The following GNAQ variants were observed in gnomAD, a reference collection of about 807,000 sequenced individuals.
The protein encoded by GNAQ is guanine nucleotide-binding protein G(q) subunit alpha.
In GNAQ, 8 loss-of-function variants were observed where a neutral mutation model predicts 43.9. The ratio of observed to expected loss-of-function variants is 0.18; its 90% CI spans 0.11 to 0.33. The LOEUF is 0.33. Ranked by LOEUF, GNAQ falls within the 10% of genes least tolerant of loss-of-function variation. The pLI is 1.00. For missense variants in GNAQ, 158 were observed against 450.8 expected, an observed-to-expected ratio of 0.35 and a Z score of 5.88; for synonymous variants, 155 against 170.7, an observed-to-expected ratio of 0.91 and a Z score of 0.71.
intron 1 of GNAQ, among the ~76,000 whole-genome samples, chr9:77,983,843 C>A: frequency 6.6e-6 from 1 of 151,822 alleles, no homozygotes; most frequent in East Asian, 1.9e-4. Context: ...TAGGAAGTCA[C>A]GGTCAGAACT....
At chr9:77,851,462 C>T (rs1827675361) in intron 2 of GNAQ, among the ~76,000 whole-genome samples, 1 of 152,198 alleles carries the variant, frequency 6.6e-6, no homozygotes, top group Admixed American at 6.6e-5. Flanking sequence ...GAAAGTAGAG[C>T]TGGACGTATG....
chr9:77,770,569 C>T (rs895394361), intron 5 of GNAQ, among the ~76,000 whole-genome samples: 1 of 152,240 alleles, frequency 6.6e-6, no homozygotes, highest in African/African-American at 2.4e-5. Flanking sequence ...AGCAGCTCTA[C>T]TTCTATGTGA....
At chr9:77,922,625 A>G (rs1296573970) in intron 1 of GNAQ, among the ~76,000 whole-genome samples, 2 of 152,186 alleles carry the variant, frequency 1.3e-5, no homozygotes, top group Non-Finnish European at 2.9e-5. Context: ...ATTTGTAACC[A>G]TGTATCTTGC....
intron 5 of GNAQ, among the ~76,000 whole-genome samples, chr9:77,785,599 A>C (rs1826464337): frequency 6.6e-6 from 1 of 152,212 alleles, no homozygotes; most frequent in Admixed American, 6.5e-5. Flanking sequence ...ACAATTCATC[A>C]AGCTGAATAC....
chr9:77,716,857 T>C lies in GNAQ; in HGVS notation c.*4466A>G, dbSNP rs945412304. Reference sequence around the variant, plus strand: ...TAATATTTGAGCACCTACTATGTGCTAGGTGTGTATTCATACTTTGAACAT... The same window carrying C: ...TAATATTTGAGCACCTACTATGTGCCAGGTGTGTATTCATACTTTGAACAT... On this transcript the variant is annotated 3_prime_UTR_variant, in exon 7 of 7. Coordinates refer to ENST00000286548, the MANE Select transcript of GNAQ (RefSeq NM_002072.5). 4.3e-6 allele frequency: 1 copy of C among 232,922 alleles called. No individual in the cohort carries two copies. 14.4% of individuals were successfully genotyped at this position (232,922 alleles called of 1,614,324 possible). A position where few individuals can be genotyped will look rare whatever the true frequency, so the allele number is the denominator to read the frequency against.
intron 1 of GNAQ, among the ~76,000 whole-genome samples, chr9:77,979,886 G>A (rs1011725417): frequency 2.0e-5 from 3 of 152,088 alleles, no homozygotes; most frequent in African/African-American, 4.8e-5. Context: ...GAAAAACAAC[G>A]TAAGACAAAC....
chr9:77,932,588 T>C (rs1829168478), intron 1 of GNAQ, among the ~76,000 whole-genome samples: 1 of 151,964 alleles, frequency 6.6e-6, no homozygotes, highest in African/African-American at 2.4e-5. Flanking sequence ...GAGGCTGAGG[T>C]GGGAACATAT....
chr9:77,878,814 G>A (rs1336193611), intron 2 of GNAQ, among the ~76,000 whole-genome samples: 1 of 152,174 alleles, frequency 6.6e-6, no homozygotes, highest in East Asian at 1.9e-4. Context: ...GGGAGGCCAA[G>A]GTGGGTGGGT....
chr9:78,030,907 G>C (rs867536021), intron 1 of GNAQ, among the ~76,000 whole-genome samples, 193 bp downstream of exon 1: 3 of 151,554 alleles, frequency 2.0e-5, no homozygotes, highest in Admixed American at 6.5e-5. Context: ...GTGTGTGTGT[G>C]TGTGTGTGTG....
chr9:77,803,464 G>T (rs1256477116), intron 3 of GNAQ, among the ~76,000 whole-genome samples: 1 of 152,156 alleles, frequency 6.6e-6, no homozygotes, highest in Non-Finnish European at 1.5e-5. Flanking sequence ...CAATCTTCTT[G>T]ATGGAAAAAA....
intron 3 of GNAQ, among the ~76,000 whole-genome samples, chr9:77,805,083 T>C (rs536254659): frequency 6.6e-6 from 1 of 152,096 alleles, no homozygotes; most frequent in Admixed American, 6.5e-5. Context: ...TAAAGTGACC[T>C]GCAAAAACAA....
intron 5 of GNAQ, 32 bp downstream of exon 5, chr9:77,794,431 G>A (rs1286451883): frequency 2.7e-6 from 4 of 1,464,534 alleles, no homozygotes; most frequent in Non-Finnish European, 3.7e-6. Context: ...ATAATAAAAT[G>A]ATAATCCATT....
chr9:77,985,562 A>C (rs1240998669), intron 1 of GNAQ, among the ~76,000 whole-genome samples: 2 of 152,168 alleles, frequency 1.3e-5, no homozygotes, highest in Non-Finnish European at 2.9e-5. Flanking sequence ...ATGTGTTTTT[A>C]GATTAGTATA....
chr9:77,943,660 CTTTTTTT>C (rs34195207), intron 1 of GNAQ, among the ~76,000 whole-genome samples: 7 of 116,168 alleles, frequency 6.0e-5, no homozygotes, highest in African/African-American at 2.0e-4. Flanking sequence ...AAGTAACTAA[CTTTTTTT>C]TTTTTTTTTT....
intron 1 of GNAQ, among the ~76,000 whole-genome samples, chr9:77,948,531 CTG>C (rs967864988): frequency 1.3e-5 from 2 of 152,132 alleles, no homozygotes; most frequent in African/African-American, 4.8e-5. Flanking sequence ...GGGCAGATGA[CTG>C]TGGGGTCCAG....
chr9:77,994,966 C>T (rs1396823524), intron 1 of GNAQ, among the ~76,000 whole-genome samples: 1 of 152,076 alleles, frequency 6.6e-6, no homozygotes, highest in African/African-American at 2.4e-5. Flanking sequence ...ACCTACCTAT[C>T]GAGAATATCC....
At chr9:78,016,778 T>C (rs551063179) in intron 1 of GNAQ, among the ~76,000 whole-genome samples, 51 of 152,348 alleles carry the variant, frequency 3.3e-4, no homozygotes, top group Admixed American at 7.8e-4. Context: ...ATTATTTTTG[T>C]AGGCATGTTT....
chr9:77,975,536 CTTTTTTTTTT>C (rs34636918), intron 1 of GNAQ, among the ~76,000 whole-genome samples: 1 of 115,276 alleles, frequency 8.7e-6, no homozygotes, highest in African/African-American at 3.7e-5. Context: ...TCAGCCCCCC[CTTTTTTTTTT>C]TTTTTTTTTT....
At chr9:77,802,251 C>T (rs1487440216) in intron 3 of GNAQ, among the ~76,000 whole-genome samples, 1 of 152,048 alleles carries the variant, frequency 6.6e-6, no homozygotes, top group African/African-American at 2.4e-5. Context: ...GCCCGCATAA[C>T]CCCCAATCCC....
Sources: gnomAD v4.1 joint callset for allele counts (sites outside exome capture counted in the v4.1 genomes callset) on GRCh38, gnomAD v4.1.1 for gene constraint, MANE v1.5 for transcripts, NCBI Gene and HGNC (gene_info 2026-07-23, HGNC 2026-07-21) for gene names.